UVRAG: variants seen among roughly 807,000 people sequenced by gnomAD.
The protein encoded by UVRAG is UV radiation resistance-associated gene protein.
In UVRAG, 19 loss-of-function variants were observed where a neutral mutation model predicts 78.0. The observed-to-expected ratio is 0.24, with a 90% confidence interval of 0.17 to 0.36. The LOEUF is 0.36. Among genes scored for constraint, UVRAG ranks in the 10% least tolerant of loss-of-function variants. The probability of loss-of-function intolerance (pLI) is 1.00; values close to 1 mark genes in which losing one functional copy is unlikely to be tolerated. For synonymous variants in UVRAG, 323 were observed against 324.6 expected (o/e 1.00, Z 0.05); for missense variants, 740 against 853.8 (o/e 0.87, Z 1.66).
At chr11:76,018,663 T>A (rs1346424734) in intron 12 of UVRAG, among the ~76,000 whole-genome samples, 1 of 152,230 alleles carries the variant, frequency 6.6e-6, no homozygotes, top group East Asian at 1.9e-4. Context: ...CACCTTGGCC[T>A]TCCAGAGTAC....
intron 6 of UVRAG, among the ~76,000 whole-genome samples, chr11:75,960,088 A>G (rs943340737): frequency 3.3e-5 from 5 of 152,194 alleles, no homozygotes; most frequent in African/African-American, 1.2e-4. Flanking sequence ...ATAAAGTTTG[A>G]GATATTGTGA....
chr11:75,875,617 CTTT>C (rs538320213), intron 3 of UVRAG, among the ~76,000 whole-genome samples: 2 of 135,924 alleles, frequency 1.5e-5, no homozygotes, highest in Admixed American at 1.5e-4. Context: ...GTTTTTAAAC[CTTT>C]TTTTTTTTTT....
chr11:75,841,849 A>T (rs1048856470), intron 1 of UVRAG, among the ~76,000 whole-genome samples: 1 of 152,218 alleles, frequency 6.6e-6, no homozygotes, highest in Non-Finnish European at 1.5e-5. Flanking sequence ...CTATTACTCC[A>T]TAACAAACAA....
At chr11:75,847,135 T>C (rs1348140793) in intron 1 of UVRAG, among the ~76,000 whole-genome samples, 1 of 146,950 alleles carries the variant, frequency 6.8e-6, no homozygotes, top group Non-Finnish European at 1.5e-5. Context: ...TGTTCTTTTG[T>C]TTTCTTGAGA....
chr11:76,071,091 T>A (rs1315443857), intron 13 of UVRAG, among the ~76,000 whole-genome samples: 1 of 152,204 alleles, frequency 6.6e-6, no homozygotes, highest in Non-Finnish European at 1.5e-5. Flanking sequence ...GTTAAGCTTA[T>A]AACCTGATGG....
At chr11:75,997,133 A>G (rs1218795280) in intron 8 of UVRAG, among the ~76,000 whole-genome samples, 3 of 152,260 alleles carry the variant, frequency 2.0e-5, no homozygotes, top group Non-Finnish European at 4.4e-5. Flanking sequence ...AGGCAGCATC[A>G]TAAATCATAG....
At chr11:75,847,327 A>G (rs1216684723) in intron 1 of UVRAG, among the ~76,000 whole-genome samples, 1 of 151,620 alleles carries the variant, frequency 6.6e-6, no homozygotes, top group Admixed American at 6.6e-5. Context: ...GGGTTTCACC[A>G]TATTGGCCAG....
chr11:75,851,784 G>C lies in UVRAG; in HGVS notation c.118-99G>C. ...TTTCTGGCTCAATAAATAAATGACT[G>C]AGACAACTTATTACATTTCATTTTT... On this transcript the variant is annotated intron_variant, in intron 1 of 14. Transcript: ENST00000356136. 5.6e-6 allele frequency: 5 copies of C among 885,252 alleles called. No homozygotes were observed. The Admixed American group carries it at 1.1e-4, about 19-fold the overall frequency. 54.8% of individuals were successfully genotyped at this position (885,252 alleles called of 1,614,324 possible).
At chr11:75,888,260 A>G (rs1487444786) in intron 4 of UVRAG, among the ~76,000 whole-genome samples, 1 of 152,074 alleles carries the variant, frequency 6.6e-6, no homozygotes, top group Non-Finnish European at 1.5e-5. Flanking sequence ...CAGCCTCCCG[A>G]GTAGCTGGGA....
intron 6 of UVRAG, among the ~76,000 whole-genome samples, chr11:75,912,812 C>T (rs1591010010): frequency 6.6e-6 from 1 of 152,204 alleles, no homozygotes; most frequent in African/African-American, 2.4e-5. Context: ...GCTCGGAGAA[C>T]TGGTTATTTT....
intron 3 of UVRAG, among the ~76,000 whole-genome samples, chr11:75,876,084 AC>A (rs1481400240): frequency 6.6e-6 from 1 of 152,070 alleles, no homozygotes; most frequent in Non-Finnish European, 1.5e-5. Context: ...TGGCTTCACG[AC>A]AAAGACCTCT....
intron 12 of UVRAG, among the ~76,000 whole-genome samples, chr11:76,037,685 C>A (rs1003907735): frequency 6.6e-6 from 1 of 151,992 alleles, no homozygotes; most frequent in East Asian, 1.9e-4. Context: ...ACACTCCAGA[C>A]TGGGTGAAAG....
chr11:76,066,580 C>A (rs1951191201), intron 13 of UVRAG, among the ~76,000 whole-genome samples: 1 of 152,046 alleles, frequency 6.6e-6, no homozygotes, highest in African/African-American at 2.4e-5. Context: ...TCAAGTGATT[C>A]TCTTGCCTCA....
At chr11:75,857,834 T>G (rs887433208) in intron 2 of UVRAG, among the ~76,000 whole-genome samples, 6 of 151,904 alleles carry the variant, frequency 3.9e-5, no homozygotes, top group Non-Finnish European at 5.9e-5. Context: ...ATTGCAGGTC[T>G]TTATTCCACA....
Position 75,957,263 on chromosome 11 carries a change from A to AT in UVRAG, c.594-4173dup, listed in dbSNP as rs201298861. Among the ~76,000 whole-genome samples the AT allele has an allele frequency of 4.7e-3, 705 of 151,594 alleles. 7 individuals carry two copies. The highest frequency in any genetic ancestry group is 0.016 in the African/African-American group (663 of 41,372). ...GTGTATGAAGTAGGGGATGAGATTG[A>AT]TTTTTTTTCTATGCTTATTCAGTGT... is the stretch of plus-strand genomic sequence containing the variant. On this transcript the variant is annotated intron_variant, in intron 6 of 14. Transcript: ENST00000356136.
At chr11:75,841,946 C>T (rs958968699) in intron 1 of UVRAG, among the ~76,000 whole-genome samples, 2 of 152,114 alleles carry the variant, frequency 1.3e-5, no homozygotes, top group African/African-American at 4.8e-5. Context: ...AACAACTTGT[C>T]TCTGCTTATT....
At chr11:75,849,667 T>C (rs1252124270) in intron 1 of UVRAG, among the ~76,000 whole-genome samples, 1 of 152,194 alleles carries the variant, frequency 6.6e-6, no homozygotes, top group East Asian at 1.9e-4. Flanking sequence ...AGCCTTTTAA[T>C]GCTAGATTAA....
At chr11:76,019,973 G>A (rs1332792684) in intron 12 of UVRAG, among the ~76,000 whole-genome samples, 2 of 152,204 alleles carry the variant, frequency 1.3e-5, no homozygotes, top group Non-Finnish European at 2.9e-5. Flanking sequence ...AGGAGGCAAA[G>A]ACTGGAGTCC....
Position 76,032,814 on chromosome 11 carries a change from A to G in UVRAG, c.1226+15834A>G, listed in dbSNP as rs558146356. ...AAGCAGATAATACACCTTTCCATGG[A>G]CCAAAGCCTCCACTTTCTCACCTTG... On this transcript the variant is annotated intron_variant, in intron 12 of 14. Transcript: ENST00000356136. Among the ~76,000 whole-genome samples, 26 of 152,322 alleles carry G rather than the reference A, an allele frequency of 1.7e-4. No individual in the cohort carries two copies. In the East Asian group the frequency reaches 4.2e-3, roughly 25 times the overall value.
Sources: gnomAD v4.1 joint callset for allele counts (sites outside exome capture counted in the v4.1 genomes callset) on GRCh38, gnomAD v4.1.1 for gene constraint, MANE v1.5 for transcripts, NCBI Gene and HGNC (gene_info 2026-07-23, HGNC 2026-07-21) for gene names.